MAEA: variants seen among roughly 807,000 people sequenced by gnomAD.
MAEA encodes the protein macrophage erythroblast attacher, E3 ubiquitin ligase.
MAEA carries 22 observed loss-of-function variants against 46.2 expected under a neutral mutation model. That is an observed-to-expected ratio of 0.48 (90% CI 0.34 to 0.68). MAEA has a LOEUF of 0.68. Among genes scored for constraint, MAEA ranks in the 30% least tolerant of loss-of-function variants. MAEA has a pLI of 0.01. For synonymous variants in MAEA, 246 were observed against 222.6 expected, an observed-to-expected ratio of 1.11 and a Z score of -0.94; for missense variants, 393 against 558.1, an observed-to-expected ratio of 0.70 and a Z score of 2.98.
chr4:1,317,609 G>T (rs550621773), intron 3 of MAEA, among the ~76,000 whole-genome samples: 2 of 152,254 alleles, frequency 1.3e-5, no homozygotes, highest in South Asian at 4.1e-4. Context: ...TGCCCAGTGG[G>T]CAGGGTGAGC....
At chr4:1,319,727 G>C (rs933402336) in intron 3 of MAEA, among the ~76,000 whole-genome samples, 1 of 151,666 alleles carries the variant, frequency 6.6e-6, no homozygotes, top group East Asian at 1.9e-4. Context: ...ACAAGAGAGC[G>C]AGACCCTGTC....
At chr4:1,297,208 G>T (rs982110101) in intron 1 of MAEA, among the ~76,000 whole-genome samples, 1 of 152,254 alleles carries the variant, frequency 6.6e-6, no homozygotes, top group East Asian at 1.9e-4. Flanking sequence ...CACTTGTTCA[G>T]TGACAGCCGA....
At chr4:1,297,298 G>C (rs1010026996) in intron 1 of MAEA, among the ~76,000 whole-genome samples, 1 of 152,200 alleles carries the variant, frequency 6.6e-6, no homozygotes, top group African/African-American at 2.4e-5. Flanking sequence ...CGGCCTTCGC[G>C]GCCAGGAGGA....
chr4:1,330,116 A>T, intron 5 of MAEA: 1 of 985,448 alleles, frequency 1.0e-6, no homozygotes, highest in Non-Finnish European at 1.2e-6. Flanking sequence ...TGCGAAATGC[A>T]AAAGTATGAG....
chr4:1,301,172 T>C (rs572231834), intron 1 of MAEA, among the ~76,000 whole-genome samples: 1 of 152,364 alleles, frequency 6.6e-6, no homozygotes, highest in Admixed American at 6.5e-5. Flanking sequence ...CACACTGAAA[T>C]GCGTTGCGTT....
rs567068251 is a variant in MAEA at position 1,335,509 on chromosome 4, C to G, written c.766-1352C>G. 520 of 958,150 alleles carry G rather than the reference C, an allele frequency of 5.4e-4. 2 individuals carry two copies. The highest frequency in any genetic ancestry group is 4.2e-4 in the African/African-American group (24 of 57,054). The allele number at this position is 958,150 out of a possible 1,614,324, so 59.4% of individuals were successfully genotyped here. A position where few individuals can be genotyped will look rare whatever the true frequency, so the allele number is the denominator to read the frequency against. On this transcript the variant is annotated intron_variant, in intron 6 of 8. Transcript: ENST00000303400. ...TTGAAATCACAGAGTTAAGTCAGCA[C>G]TGGCCCCATGGCGTGTTGAAACCAC... is the stretch of plus-strand genomic sequence containing the variant.
At chr4:1,313,157 C>G (rs1736725099) in intron 2 of MAEA, among the ~76,000 whole-genome samples, 1 of 152,244 alleles carries the variant, frequency 6.6e-6, no homozygotes, top group Non-Finnish European at 1.5e-5. Flanking sequence ...AGACCCTCAG[C>G]CTTCACTCCG....
chr4:1,334,810 G>A, intron 6 of MAEA: 1 of 944,894 alleles, frequency 1.1e-6, no homozygotes, highest in Non-Finnish European at 1.3e-6. Flanking sequence ...AACCAGTCCT[G>A]GGGAGTGAGG....
intron 1 of MAEA, among the ~76,000 whole-genome samples, chr4:1,294,532 C>T (rs1473749724): frequency 8.0e-5 from 12 of 150,940 alleles, no homozygotes. Flanking sequence ...CTAAGCAAGG[C>T]ACCGCCGCCG....
chr4:1,306,859 G>C (rs534468328), intron 1 of MAEA, among the ~76,000 whole-genome samples: 1 of 152,316 alleles, frequency 6.6e-6, no homozygotes, highest in South Asian at 2.1e-4. Context: ...CCATTCGGAG[G>C]CACTTTTCAT....
intron 4 of MAEA, among the ~76,000 whole-genome samples, chr4:1,325,477 A>G (rs1298058144): frequency 6.6e-6 from 1 of 152,166 alleles, no homozygotes. Context: ...GACCAATTGA[A>G]AGTAACCTAC....
intron 6 of MAEA, among the ~76,000 whole-genome samples, chr4:1,336,183 C>T (rs556251870): frequency 9.1e-4 from 137 of 150,146 alleles, no homozygotes; most frequent in African/African-American, 3.3e-3. Flanking sequence ...ATGTTGAAAT[C>T]AGAGAGTTCC....
intron 6 of MAEA, chr4:1,335,125 A>G: frequency 1.0e-6 from 1 of 985,458 alleles, no homozygotes; most frequent in Non-Finnish European, 1.2e-6. Context: ...TCTTAAGTCT[A>G]AACCTGAGGT....
intron 5 of MAEA, chr4:1,330,234 C>A: frequency 1.4e-6 from 1 of 707,440 alleles, no homozygotes. Flanking sequence ...TTTGTGTGAG[C>A]AGCTCCGTGC....
At chr4:1,336,207 CAG>C (rs1712737507) in intron 6 of MAEA, among the ~76,000 whole-genome samples, 1 of 151,458 alleles carries the variant, frequency 6.6e-6, no homozygotes, top group Admixed American at 6.6e-5. Context: ...ACTCGTCCCG[CAG>C]AGTGTTGAAA....
chr4:1,318,048 C>T (rs928878895), intron 3 of MAEA, among the ~76,000 whole-genome samples: 1 of 152,218 alleles, frequency 6.6e-6, no homozygotes, highest in African/African-American at 2.4e-5. Context: ...AGCACATGTC[C>T]GCTCCGGTGC....
At chr4:1,325,827 G>A (rs1483628169) in intron 4 of MAEA, among the ~76,000 whole-genome samples, 1 of 152,140 alleles carries the variant, frequency 6.6e-6, no homozygotes, top group East Asian at 1.9e-4. Context: ...TGTGCCTCTC[G>A]GCTGATTTGT....
Position 1,322,357 on chromosome 4 carries a change from C to A in MAEA, c.457-24C>A. On this transcript the variant is annotated intron_variant, in intron 3 of 8. Coordinates refer to ENST00000303400, the MANE Select transcript of MAEA (RefSeq NM_001017405.3). Reference sequence around the variant, plus strand: ...GGGCCTTGAGCCAGCACATTCTGATCAGGTGCTGCTTCCTTCCTCTAAGGA... The same window carrying A: ...GGGCCTTGAGCCAGCACATTCTGATAAGGTGCTGCTTCCTTCCTCTAAGGA... 1.9e-6 allele frequency: 3 copies of A among 1,612,614 alleles called. No individual in the cohort carries two copies. In the South Asian group the frequency reaches 3.3e-5, roughly 18 times the overall value.
In MAEA at chr4:1,289,921, T is replaced by C. The variant is rs964750996; in HGVS notation, c.8T>C (p.Val3Ala). 6.3e-7 allele frequency: 1 copy of C among 1,599,674 alleles called. No homozygotes were observed. Among genetic ancestry groups the C allele is most frequent in the Non-Finnish European group, 8.5e-7 (1 of 1,172,576 alleles). ...TGTTTTGGCCGCTTCAAGATGGCGG[T>C]GCAGGAGTCGGCGGCTCAGTTGTCC... The part of the protein sequence containing the change: MA[V>A]QESAAQLSMT... The change falls in exon 1 of 9, where the codon GTG (valine) becomes GCG (alanine). Residue 3 changes from valine (V) to alanine (A), a missense_variant. Val to Ala is a moderately conservative substitution (Grantham distance 64). This residue lies in a region of MAEA where 35 missense variants were observed against 20.1 expected (regional missense o/e 1.74). Transcript: ENST00000303400.
Sources: gnomAD v4.1 joint callset for allele counts (sites outside exome capture counted in the v4.1 genomes callset) on GRCh38, gnomAD v4.1.1 for gene constraint, gnomAD v4.1.1 regional missense constraint, MANE v1.5 for transcripts, NCBI Gene and HGNC (gene_info 2026-07-23, HGNC 2026-07-21) for gene names.